CSMD3: variants seen among roughly 807,000 people sequenced by gnomAD.
CSMD3 encodes CUB and Sushi multiple domains 3.
A neutral mutation model predicts 435.2 loss-of-function variants in CSMD3; 177 were observed. That is an observed-to-expected ratio of 0.41 (90% confidence interval 0.36 to 0.46). The LOEUF (loss-of-function observed/expected upper bound fraction) is 0.46. Among genes scored for constraint, CSMD3 ranks in the 20% least tolerant of loss-of-function variants. The pLI, the probability that CSMD3 is intolerant of heterozygous loss-of-function variation, is 0.34. For missense variants in CSMD3, 4,265 were observed against 4,504.6 expected, an observed-to-expected ratio of 0.95 and a Z score of 1.52; for synonymous variants, 1,656 against 1,520.5, an observed-to-expected ratio of 1.09 and a Z score of -2.07.
At chr8:113,057,688 C>T (rs183241312) in intron 5 of CSMD3, among the ~76,000 whole-genome samples, 43 of 151,868 alleles carry the variant, frequency 2.8e-4, no homozygotes, top group Admixed American at 1.5e-3. Flanking sequence ...TATTTACATA[C>T]GACAAGAACC....
At chr8:112,516,156 C>T (rs1243435500) in intron 28 of CSMD3, among the ~76,000 whole-genome samples, 1 of 152,054 alleles carries the variant, frequency 6.6e-6, no homozygotes, top group Non-Finnish European at 1.5e-5. Context: ...AAGATTCTCC[C>T]TCTAAAACTT....
intron 6 of CSMD3, among the ~76,000 whole-genome samples, chr8:112,982,613 T>C (rs868740685): frequency 6.6e-6 from 1 of 151,980 alleles, no homozygotes; most frequent in Non-Finnish European, 1.5e-5. Context: ...TATTGCAAGA[T>C]GTCATGTCAG....
At chr8:113,184,226 C>T (rs1370581092) in intron 3 of CSMD3, among the ~76,000 whole-genome samples, 1 of 151,968 alleles carries the variant, frequency 6.6e-6, no homozygotes, top group Admixed American at 6.6e-5. Context: ...GGAAGTGCCA[C>T]CCTTCAGGAA....
intron 24 of CSMD3, among the ~76,000 whole-genome samples, chr8:112,562,442 G>A (rs756251261): frequency 3.3e-5 from 5 of 150,772 alleles, no homozygotes; most frequent in African/African-American, 4.9e-5. Context: ...AGTATTTAAC[G>A]GTCAATGAAG....
Position 112,311,099 on chromosome 8 carries a change from A to G in CSMD3, c.7764T>C (p.Leu2588=). The change falls in exon 50 of 71, where the codon CTT becomes CTC. Residue 2588 remains leucine, a synonymous_variant. Transcript: ENST00000297405. The part of the protein sequence containing the change: ...GYIISQTGGQ[L]NSVVRWACDR... ...CACAGGCCCAACGGACCACACTGTT[A>G]AGCTGCCCACCTGTCTGACTGATAA... The G allele has an allele frequency of 6.2e-7, 1 of 1,614,056 alleles. No homozygotes were observed.
At chr8:113,133,527 T>A (rs2091339016) in intron 4 of CSMD3, among the ~76,000 whole-genome samples, 1 of 152,108 alleles carries the variant, frequency 6.6e-6, no homozygotes, top group African/African-American at 2.4e-5. Context: ...TGGAGGTTCC[T>A]TGGAAAAATT....
intron 13 of CSMD3, among the ~76,000 whole-genome samples, chr8:112,713,311 A>G (rs1465127162): frequency 6.6e-6 from 1 of 152,060 alleles, no homozygotes; most frequent in East Asian, 1.9e-4. Flanking sequence ...AGAATATTAG[A>G]GCGTGAAGAC....
chr8:112,373,170 A>G (rs141923562), intron 38 of CSMD3, among the ~76,000 whole-genome samples: 1 of 151,990 alleles, frequency 6.6e-6, no homozygotes, highest in East Asian at 1.9e-4. Context: ...GGAATATAGT[A>G]AGAGTCTACT....
chr8:113,186,887 T>C (rs946793655), intron 3 of CSMD3, among the ~76,000 whole-genome samples: 2 of 151,858 alleles, frequency 1.3e-5, no homozygotes, highest in Admixed American at 6.6e-5. Flanking sequence ...GAGTAAACAC[T>C]CTACAGAGGG....
intron 61 of CSMD3, among the ~76,000 whole-genome samples, chr8:112,258,911 T>G (rs1232080192): frequency 6.6e-6 from 1 of 151,834 alleles, no homozygotes; most frequent in Admixed American, 6.6e-5. Context: ...TGGTGGCGGG[T>G]GCCTGTAGTC....
chr8:113,103,277 TA>T (rs2090381166), intron 4 of CSMD3, among the ~76,000 whole-genome samples: 1 of 152,126 alleles, frequency 6.6e-6, no homozygotes, highest in Non-Finnish European at 1.5e-5. Flanking sequence ...AACATACAGA[TA>T]ATACAGTGAG....
At chr8:112,874,201 C>G (rs914639306) in intron 10 of CSMD3, among the ~76,000 whole-genome samples, 1 of 152,092 alleles carries the variant, frequency 6.6e-6, no homozygotes. Context: ...TGTTCAGTTT[C>G]CATGTAGTTG....
At chr8:112,935,440 G>A (rs1277588971) in intron 9 of CSMD3, among the ~76,000 whole-genome samples, 1 of 152,026 alleles carries the variant, frequency 6.6e-6, no homozygotes, top group Non-Finnish European at 1.5e-5. Flanking sequence ...TATTTCTGTA[G>A]AGAATGTCAT....
intron 2 of CSMD3, among the ~76,000 whole-genome samples, chr8:113,303,391 C>T (rs1194670348): frequency 6.6e-6 from 1 of 151,458 alleles, no homozygotes; most frequent in Non-Finnish European, 1.5e-5. Flanking sequence ...TGACTTTCTT[C>T]ACAGAATTGG....
chr8:113,388,524 C>G (rs953978008), intron 1 of CSMD3, among the ~76,000 whole-genome samples: 2 of 151,500 alleles, frequency 1.3e-5, no homozygotes, highest in Non-Finnish European at 3.0e-5. Context: ...ATTTGACCAA[C>G]ATCTTTAATT....
chr8:112,286,113 T>G (rs1021878428), intron 58 of CSMD3, among the ~76,000 whole-genome samples: 1 of 152,180 alleles, frequency 6.6e-6, no homozygotes, highest in African/African-American at 2.4e-5. Flanking sequence ...AACTAACAGT[T>G]GTACTCTACA....
intron 1 of CSMD3, among the ~76,000 whole-genome samples, chr8:113,407,968 TCAAACTC>T (rs1345613362): frequency 1.3e-5 from 2 of 152,152 alleles, no homozygotes; most frequent in Non-Finnish European, 2.9e-5. Context: ...AAAAAAAATC[TCAAACTC>T]AGTATAGAAA....
intron 1 of CSMD3, among the ~76,000 whole-genome samples, chr8:113,383,602 T>C (rs1303041281): frequency 6.6e-6 from 1 of 152,184 alleles, no homozygotes; most frequent in Non-Finnish European, 1.5e-5. Flanking sequence ...TTCATTTTGA[T>C]GATGTCGATT....
chr8:113,039,307 A>AT (rs1448451199), intron 5 of CSMD3, among the ~76,000 whole-genome samples: 1 of 152,136 alleles, frequency 6.6e-6, no homozygotes, highest in African/African-American at 2.4e-5. Context: ...ACATATTTGT[A>AT]TTTTTAATTT....
Sources: allele counts gnomAD v4.1 joint callset (sites outside exome capture counted in the v4.1 genomes callset), GRCh38; gene constraint gnomAD v4.1.1; transcripts MANE v1.5; gene names NCBI Gene and HGNC (gene_info 2026-07-23, HGNC 2026-07-21).